RUVBL1: variants seen among roughly 807,000 people sequenced by gnomAD.
The protein encoded by RUVBL1 is ruvB-like 1.
In RUVBL1, 4 loss-of-function variants were observed where a neutral mutation model predicts 52.4. The observed-to-expected ratio is 0.08, with a 90% CI of 0.04 to 0.17. The LOEUF (loss-of-function observed/expected upper bound fraction) is 0.17. Among genes scored for constraint, RUVBL1 ranks in the 10% least tolerant of loss-of-function variants. The pLI is 1.00. For missense variants in RUVBL1, 298 were observed against 572.8 expected, an observed-to-expected ratio of 0.52 and a Z score of 4.90; for synonymous variants, 217 against 214.4, an observed-to-expected ratio of 1.01 and a Z score of -0.10.
chr3:128,110,117 T>A (rs780430647), intron 3 of RUVBL1, among the ~76,000 whole-genome samples: 15 of 152,032 alleles, frequency 9.9e-5, no homozygotes, highest in Non-Finnish European at 2.2e-4. Flanking sequence ...GCACTCGGCC[T>A]ACATACAGTT....
intron 1 of RUVBL1, among the ~76,000 whole-genome samples, chr3:128,148,334 T>C (rs1216029786): frequency 6.6e-6 from 1 of 152,178 alleles, no homozygotes; most frequent in African/African-American, 2.4e-5. Flanking sequence ...ACCAACAGAA[T>C]TTTTTAATGA....
At chr3:128,098,242 G>T (rs1231783087) in intron 7 of RUVBL1, among the ~76,000 whole-genome samples, 1 of 152,310 alleles carries the variant, frequency 6.6e-6, no homozygotes, top group East Asian at 1.9e-4. Flanking sequence ...AAGAGGCGGG[G>T]ATTGTCCAAA....
chr3:128,069,194 A>G (rs1942078756), intron 9 of RUVBL1, among the ~76,000 whole-genome samples: 1 of 152,252 alleles, frequency 6.6e-6, no homozygotes, highest in African/African-American at 2.4e-5. Flanking sequence ...AAGAAAAACC[A>G]TGATGAAATA....
At position 128,082,778 on chromosome 3, in the gene RUVBL1, A is replaced by G; in HGVS notation, c.1120-204T>C. 1 of 509,144 alleles carries G rather than the reference A, an allele frequency of 2.0e-6. No homozygotes were observed. The highest frequency in any genetic ancestry group is 3.5e-6 in the Non-Finnish European group (1 of 281,890). The allele number at this position is 509,144 out of a possible 1,614,324, so 31.5% of individuals were successfully genotyped here. ...AGGCATGTGCGGCCCTGCAGTATGC[A>G]TGAATAGCATCACGGCCAGTGTGCT... is the stretch of plus-strand genomic sequence containing the variant. On this transcript the variant is annotated intron_variant, in intron 9 of 10. Transcript: ENST00000322623. This position sits in a 1 kb window ranked among gnomAD's most constrained non-coding sequence, Gnocchi z 4.7.
chr3:128,153,253 C>T (rs2107746456), exon 1 of RUVBL1: 8 of 1,346,924 alleles, frequency 5.9e-6, no homozygotes, highest in South Asian at 5.7e-5. Flanking sequence ...CCATCTCGGG[C>T]TCCTAGAGGC....
At chr3:128,084,916 G>C (rs753770544) in intron 9 of RUVBL1, 1 of 152,302 alleles carries the variant, frequency 6.6e-6, no homozygotes, top group African/African-American at 2.4e-5. Context: ...GGCCTGGCAA[G>C]TCACTGTCCT....
At chr3:128,066,381 A>G (rs1941978455) in intron 9 of RUVBL1, among the ~76,000 whole-genome samples, 1 of 152,038 alleles carries the variant, frequency 6.6e-6, no homozygotes, top group Non-Finnish European at 1.5e-5. Context: ...TCTTTTGGAA[A>G]AAAAAAAAGT....
chr3:128,090,338 T>C (rs1942801952), intron 8 of RUVBL1, among the ~76,000 whole-genome samples: 1 of 152,082 alleles, frequency 6.6e-6, no homozygotes, highest in South Asian at 2.1e-4. Flanking sequence ...GAGACCACGG[T>C]GAAACCCCGT....
chr3:128,145,327 G>C (rs548427273), intron 1 of RUVBL1, among the ~76,000 whole-genome samples: 1 of 152,304 alleles, frequency 6.6e-6, no homozygotes, highest in East Asian at 1.9e-4. Flanking sequence ...ATTTCCAGCT[G>C]GTGGGAGCAG....
chr3:128,153,863 G>T, exon 1 of RUVBL1: 1 of 1,462,814 alleles, frequency 6.8e-7, no homozygotes, highest in Non-Finnish European at 8.9e-7. Flanking sequence ...TCAGGGACGC[G>T]GGCGGAGCGA....
chr3:128,112,520 G>A (rs758851200), intron 3 of RUVBL1, among the ~76,000 whole-genome samples: 1 of 152,092 alleles, frequency 6.6e-6, no homozygotes, highest in Non-Finnish European at 1.5e-5. Context: ...GGGGCATTCT[G>A]GCCACATGGC....
rs542553798 is a variant in RUVBL1, at chr3:128,146,833, G to A, written c.-40+6370C>T. ...TGTGTGCATGCATCTGTGTGTGTGC[G>A]CACTTGTGTGCGTTTGTGTCTCTGT... On this transcript the variant is annotated intron_variant, in intron 1 of 9. Transcript: ENST00000464873. 6.6e-5 allele frequency among the ~76,000 whole-genome samples: 10 copies of A among 151,880 alleles called. No individual in the cohort carries two copies. In the South Asian group the frequency reaches 1.3e-3, roughly 19 times the overall value.
chr3:128,088,555 C>T (rs1942726996), intron 8 of RUVBL1, among the ~76,000 whole-genome samples: 1 of 150,190 alleles, frequency 6.7e-6, no homozygotes, highest in Non-Finnish European at 1.5e-5. Flanking sequence ...ACAAATTATA[C>T]TAAGTATGCA....
intron 9 of RUVBL1, chr3:128,065,274 C>G: frequency 1.6e-6 from 1 of 618,444 alleles, no homozygotes; most frequent in South Asian, 1.9e-5. Flanking sequence ...AAATCATGTT[C>G]TTCTGGGTTG....
intron 2 of RUVBL1, among the ~76,000 whole-genome samples, chr3:128,115,298 T>C (rs1466268909): frequency 2.0e-5 from 3 of 152,146 alleles, no homozygotes; most frequent in African/African-American, 7.2e-5. Context: ...GAGTGACAAG[T>C]GGCACAAAAA....
At position 128,100,757 on chromosome 3, in the gene RUVBL1, A is replaced by G. The variant is rs761756017; in HGVS notation, c.604-13T>C. ...ACCTGCCCTGCCTCTGCAAAAAGAG[A>G]GAAACATGAGTGCCTGGTAAGTTTT... On this transcript the variant is annotated splice_polypyrimidine_tract_variant and intron_variant, in intron 5 of 10. Coordinates refer to ENST00000322623, the MANE Select transcript of RUVBL1 (RefSeq NM_003707.3). 1.9e-6 allele frequency: 3 copies of G among 1,613,510 alleles called. No individual in the cohort carries two copies. In the South Asian group the frequency reaches 3.3e-5, roughly 18 times the overall value.
intron 9 of RUVBL1, chr3:128,075,198 T>C (rs896577712): frequency 6.6e-6 from 1 of 152,224 alleles, no homozygotes; most frequent in Non-Finnish European, 1.5e-5. Flanking sequence ...ATAGCAGATA[T>C]TAAAGTGATA....
chr3:128,120,648 C>T (rs1401288760), intron 1 of RUVBL1, among the ~76,000 whole-genome samples: 2 of 152,208 alleles, frequency 1.3e-5, no homozygotes, highest in Non-Finnish European at 2.9e-5. Context: ...AGTGACCACA[C>T]TGTGCCAGAG....
At chr3:128,130,227 C>A (rs763968213) in intron 1 of RUVBL1, among the ~76,000 whole-genome samples, 10 of 146,648 alleles carry the variant, frequency 6.8e-5, no homozygotes, top group Non-Finnish European at 1.0e-4. Context: ...ATTTACTATA[C>A]AGAAATAAAA....
Sources: gnomAD v4.1 joint callset for allele counts (sites outside exome capture counted in the v4.1 genomes callset) on GRCh38, gnomAD v4.1.1 for gene constraint, Gnocchi (gnomAD v3.1) non-coding constraint, MANE v1.5 for transcripts, NCBI Gene and HGNC (gene_info 2026-07-23, HGNC 2026-07-21) for gene names.